Variants in DAGLA observed in about 807,000 individuals in gnomAD.
The protein encoded by DAGLA is diacylglycerol lipase-alpha.
In DAGLA, 22 loss-of-function variants were observed where a neutral mutation model predicts 102.6. That is an observed-to-expected ratio of 0.21 (90% confidence interval 0.15 to 0.31). DAGLA has a LOEUF of 0.31. Among genes scored for constraint, DAGLA ranks in the 10% least tolerant of loss-of-function variants. DAGLA has a pLI of 1.00. For synonymous variants in DAGLA, 578 were observed against 628.9 expected, an observed-to-expected ratio of 0.92 and a Z score of 1.21; for missense variants, 927 against 1,446.6, an observed-to-expected ratio of 0.64 and a Z score of 5.83.
intron 1 of DAGLA, among the ~76,000 whole-genome samples, chr11:61,703,551 C>T (rs1464870859): frequency 1.3e-5 from 2 of 152,142 alleles, no homozygotes; most frequent in Non-Finnish European, 2.9e-5. Flanking sequence ...GCCTGGGAGG[C>T]TGGTGAGGGC....
chr11:61,731,073 G>A (rs1038690800), intron 8 of DAGLA, among the ~76,000 whole-genome samples: 3 of 152,216 alleles, frequency 2.0e-5, no homozygotes, highest in Non-Finnish European at 2.9e-5. Flanking sequence ...TTCTGAGACT[G>A]GAGCAACAGG....
intron 10 of DAGLA, 39 bp from the exon 11 acceptor site, chr11:61,735,522 A>G (rs1347944870): frequency 6.3e-7 from 1 of 1,589,820 alleles, no homozygotes; most frequent in South Asian, 1.1e-5. Flanking sequence ...GTGTGGCCCC[A>G]CCAGGGCCGC....
intron 6 of DAGLA, 30 bp downstream of exon 6, chr11:61,726,112 C>T (rs367943462): frequency 8.1e-6 from 13 of 1,595,670 alleles, no homozygotes; most frequent in African/African-American, 4.0e-5. Flanking sequence ...TCCCCTCTGG[C>T]TCACATCCTG....
intron 9 of DAGLA, among the ~76,000 whole-genome samples, chr11:61,732,299 T>G (rs2065381832): frequency 6.6e-6 from 1 of 152,200 alleles, no homozygotes; most frequent in Non-Finnish European, 1.5e-5. Flanking sequence ...CTCAGAAAGC[T>G]GGGTGGCTCT....
At chr11:61,725,690 C>G (rs1403971654) in intron 5 of DAGLA, among the ~76,000 whole-genome samples, 1 of 152,160 alleles carries the variant, frequency 6.6e-6, no homozygotes, top group Non-Finnish European at 1.5e-5. Flanking sequence ...TGTGTTCAGT[C>G]TTCCAAAAGC....
intron 5 of DAGLA, 86 bp from the exon 6 acceptor site, chr11:61,725,909 G>A (rs888046290): frequency 3.0e-5 from 38 of 1,274,370 alleles, no homozygotes; most frequent in Non-Finnish European, 4.3e-5. Context: ...CCTGGGAACA[G>A]CCTGCCCTGT....
chr11:61,728,573 C>T (rs775580888), intron 7 of DAGLA, among the ~76,000 whole-genome samples: 11 of 152,220 alleles, frequency 7.2e-5, no homozygotes, highest in Non-Finnish European at 1.2e-4. Flanking sequence ...GCTTAGTGGA[C>T]GTGGTGAGCT....
rs1274827355 is a variant in DAGLA at position 61,706,629 on chromosome 11, C to G, written c.-44-13483C>G. 3.3e-5 allele frequency among the ~76,000 whole-genome samples: 5 copies of G among 152,210 alleles called. No homozygotes were observed. The East Asian group carries it at 9.6e-4, about 29-fold the overall frequency. On this transcript the variant is annotated intron_variant, in intron 1 of 19. Coordinates refer to ENST00000257215, the MANE Select transcript of DAGLA (RefSeq NM_006133.3). ...GGTCACCTCCCACAACATCCAGAGA[C>G]AGGAGTGGTATTTATAGCAGCCGGC...
chr11:61,738,146 C>G lies in DAGLA; in HGVS notation c.1595C>G (p.Ser532Cys), dbSNP rs1212827007. The change falls in exon 16 of 20, where the codon TCT (serine) becomes TGT (cysteine). Residue 532 changes from serine to cysteine, a missense_variant. Ser to Cys is a moderately radical substitution (Grantham distance 112). This residue lies in a region of DAGLA where 218 missense variants were observed against 459.6 expected (regional missense o/e 0.47). Transcript: ENST00000257215. ...CGTTCCCTCCCCAGGATTGGCCTCTCTCAGCTGGAAGGCTTCCGCAGACAG... is the reference window on the plus strand; with the variant it reads ...CGTTCCCTCCCCAGGATTGGCCTCTGTCAGCTGGAAGGCTTCCGCAGACAG... The part of the protein sequence containing the change: ...GKDLVPRIGL[S>C]QLEGFRRQLL... The G allele has an allele frequency of 6.2e-7, 1 of 1,613,682 alleles. No individual in the cohort carries two copies. The highest frequency in any genetic ancestry group is 1.7e-5 in the Admixed American group (1 of 60,030).
chr11:61,736,413 CAG>C, intron 13 of DAGLA, 63 bp downstream of exon 13: 1 of 1,342,150 alleles, frequency 7.5e-7, no homozygotes, highest in Non-Finnish European at 1.1e-6. Context: ...CAACGCAGCA[CAG>C]AGAGGAGAGG....
chr11:61,698,800 G>C (rs1027641131), intron 1 of DAGLA, among the ~76,000 whole-genome samples: 2 of 152,224 alleles, frequency 1.3e-5, no homozygotes, highest in African/African-American at 4.8e-5. Flanking sequence ...TCCCAGCCCA[G>C]TGGGGAGCCC....
At chr11:61,739,401 G>T in intron 16 of DAGLA, 64 bp from the exon 17 acceptor site, 60 of 1,410,138 alleles carry the variant, frequency 4.3e-5, no homozygotes, top group Middle Eastern at 2.3e-4. Flanking sequence ...CGGTCCCCCT[G>T]CCCCTGCCCC....
intron 1 of DAGLA, among the ~76,000 whole-genome samples, chr11:61,691,143 C>T (rs1027300755): frequency 6.6e-6 from 1 of 152,238 alleles, no homozygotes; most frequent in Non-Finnish European, 1.5e-5. Flanking sequence ...TCCCTCCCTT[C>T]CCCAGGTGAA....
intron 1 of DAGLA, among the ~76,000 whole-genome samples, chr11:61,681,352 C>T (rs1156983612): frequency 6.6e-6 from 1 of 152,104 alleles, no homozygotes; most frequent in Non-Finnish European, 1.5e-5. Flanking sequence ...CCAGGCACTA[C>T]CGTTGTCCTG....
chr11:61,699,130 A>G (rs2065089552), intron 1 of DAGLA, among the ~76,000 whole-genome samples: 2 of 152,120 alleles, frequency 1.3e-5, no homozygotes, highest in Admixed American at 6.5e-5. Flanking sequence ...GATGGGAGCC[A>G]TTGGGGGAAC....
chr11:61,704,089 T>C (rs1363011872), intron 1 of DAGLA, among the ~76,000 whole-genome samples: 1 of 151,452 alleles, frequency 6.6e-6, no homozygotes, highest in African/African-American at 2.4e-5. Flanking sequence ...GGTCTTATGA[T>C]CTACTATCAA....
chr11:61,685,539 G>A (rs1052877613), intron 1 of DAGLA, among the ~76,000 whole-genome samples: 4 of 151,884 alleles, frequency 2.6e-5, no homozygotes, highest in South Asian at 2.1e-4. Flanking sequence ...TTTCTTGAGC[G>A]CCTGCTGTGA....
In DAGLA at chr11:61,737,164, G is replaced by A. The variant is rs774724054; in HGVS notation, c.1372-18G>A. 16 of 1,613,034 alleles carry A rather than the reference G, an allele frequency of 9.9e-6. No homozygotes were observed. The East Asian group carries it at 3.1e-4, about 31-fold the overall frequency. ...GCGGGCATTGGGGCAGGGCTCTCAG[G>A]CTTCTCTCGGTCTCCAGGGCCGCGG... On this transcript the variant is annotated intron_variant, in intron 13 of 19. Coordinates refer to ENST00000257215, the MANE Select transcript of DAGLA (RefSeq NM_006133.3).
intron 1 of DAGLA, among the ~76,000 whole-genome samples, chr11:61,706,419 G>A (rs2065149971): frequency 6.6e-6 from 1 of 152,196 alleles, no homozygotes; most frequent in Admixed American, 6.5e-5. Context: ...AACATGTCGA[G>A]GTGCAAGTTG....
Sources: allele counts gnomAD v4.1 joint callset (sites outside exome capture counted in the v4.1 genomes callset), GRCh38; gene constraint gnomAD v4.1.1; regional missense constraint gnomAD v4.1.1; transcripts MANE v1.5; gene names NCBI Gene and HGNC (gene_info 2026-07-23, HGNC 2026-07-21).